The following UBL3 variants were observed in gnomAD, a reference collection of about 807,000 sequenced individuals.
UBL3 encodes the protein ubiquitin like 3, also known as ubiquitin-like protein 3.
A neutral mutation model predicts 18.4 loss-of-function variants in UBL3; 6 were observed. That is an observed-to-expected ratio of 0.33 (90% CI 0.18 to 0.64). The LOEUF is 0.64. UBL3 is among the 30% of genes least tolerant of loss of function. The pLI is 0.76. For missense variants in UBL3, 109 were observed against 142.9 expected (o/e 0.76, Z 1.21); for synonymous variants, 49 against 46.6 (o/e 1.05, Z -0.21).
At chr13:29,837,943 A>AATAATAATAATAATAATC (rs1169003246) in intron 1 of UBL3, among the ~76,000 whole-genome samples, 2 of 149,832 alleles carry the variant, frequency 1.3e-5, no homozygotes, top group Admixed American at 1.3e-4. Context: ...TAATAATAAT[A>AATAATAATAATAATAATC]ATTTTAGCTA....
intron 1 of UBL3, among the ~76,000 whole-genome samples, chr13:29,834,490 C>A (rs1009198172): frequency 6.6e-6 from 1 of 152,104 alleles, no homozygotes; most frequent in Non-Finnish European, 1.5e-5. Context: ...AGCAAATCCA[C>A]CACTTAAAGT....
At chr13:29,772,303 G>T in intron 2 of UBL3, 105 bp from the exon 3 acceptor site, 1 of 804,530 alleles carries the variant, frequency 1.2e-6, no homozygotes, top group Non-Finnish European at 1.9e-6. Flanking sequence ...GTACAAAGAA[G>T]GCCCTTGGAG....
At chr13:29,800,916 C>G (rs553871162) in intron 1 of UBL3, among the ~76,000 whole-genome samples, 19 of 152,296 alleles carry the variant, frequency 1.2e-4, no homozygotes, top group African/African-American at 4.1e-4. Context: ...GGGACCCCCC[C>G]ACGGTGCAGC....
chr13:29,810,147 T>C (rs1878008743), intron 1 of UBL3, among the ~76,000 whole-genome samples: 1 of 152,158 alleles, frequency 6.6e-6, no homozygotes, highest in African/African-American at 2.4e-5. Context: ...TTATTCCACA[T>C]ACCTGATTGA....
At chr13:29,831,858 A>G (rs1425432122) in intron 1 of UBL3, among the ~76,000 whole-genome samples, 1 of 152,220 alleles carries the variant, frequency 6.6e-6, no homozygotes, top group Non-Finnish European at 1.5e-5. Context: ...TTTTTAGTCC[A>G]CTGAAAGTAT....
chr13:29,804,660 ACT>A (rs1877856362), intron 1 of UBL3, among the ~76,000 whole-genome samples: 1 of 152,190 alleles, frequency 6.6e-6, no homozygotes. Context: ...CTGGGAGACT[ACT>A]ATTAATACTT....
intron 3 of UBL3, 54 bp downstream of exon 3, chr13:29,772,058 G>T: frequency 7.0e-7 from 1 of 1,434,214 alleles, no homozygotes; most frequent in Non-Finnish European, 9.6e-7. Context: ...TAAAACAAGC[G>T]AATCATGCTA....
At chr13:29,820,993 G>A (rs1593668693) in intron 1 of UBL3, among the ~76,000 whole-genome samples, 1 of 152,254 alleles carries the variant, frequency 6.6e-6, no homozygotes, top group East Asian at 1.9e-4. Context: ...CCAGAAAACT[G>A]CTTTAAAATC....
At chr13:29,794,180 A>G (rs1877550215) in intron 1 of UBL3, among the ~76,000 whole-genome samples, 1 of 152,158 alleles carries the variant, frequency 6.6e-6, no homozygotes, top group South Asian at 2.1e-4. Flanking sequence ...AATAGTCAAG[A>G]TGTTAATGTT....
intron 1 of UBL3, among the ~76,000 whole-genome samples, chr13:29,835,167 T>TATATATAA (rs1878926225): frequency 1.8e-5 from 1 of 56,384 alleles, no homozygotes; most frequent in Non-Finnish European, 3.1e-5. Flanking sequence ...TATATATATA[T>TATATATAA]ATATATATAT....
At chr13:29,804,914 T>C (rs1264649367) in intron 1 of UBL3, among the ~76,000 whole-genome samples, 3 of 152,232 alleles carry the variant, frequency 2.0e-5, no homozygotes, top group Non-Finnish European at 2.9e-5. Flanking sequence ...CATTCGATCA[T>C]TCCTACCTTC....
intron 2 of UBL3, among the ~76,000 whole-genome samples, chr13:29,775,638 CA>C (rs1471985595): frequency 6.6e-6 from 1 of 151,734 alleles, no homozygotes; most frequent in Admixed American, 6.6e-5. Context: ...TTTTTTGAGA[CA>C]GAGTCTTGCT....
At chr13:29,839,146 C>CA (rs1370331801) in intron 1 of UBL3, among the ~76,000 whole-genome samples, 1 of 151,900 alleles carries the variant, frequency 6.6e-6, no homozygotes, top group Non-Finnish European at 1.5e-5. Flanking sequence ...TTAAAAAAGA[C>CA]AAAAAAAGTC....
intron 1 of UBL3, among the ~76,000 whole-genome samples, chr13:29,832,486 C>T (rs966379971): frequency 6.6e-6 from 1 of 152,152 alleles, no homozygotes. Context: ...GACCCCACCA[C>T]CGCGCCCGGC....
At chr13:29,784,578 A>T (rs984095134) in intron 1 of UBL3, among the ~76,000 whole-genome samples, 11 of 151,024 alleles carry the variant, frequency 7.3e-5, no homozygotes, top group African/African-American at 2.4e-4. Context: ...AAAAAAAAAA[A>T]ACAACTCCCG....
At chr13:29,818,195 C>G (rs1878333054) in intron 1 of UBL3, among the ~76,000 whole-genome samples, 1 of 152,160 alleles carries the variant, frequency 6.6e-6, no homozygotes, top group South Asian at 2.1e-4. Context: ...AGAAAACAGT[C>G]ATACTCTAAC....
At chr13:29,819,808 T>C (rs554192931) in intron 1 of UBL3, among the ~76,000 whole-genome samples, 1 of 151,792 alleles carries the variant, frequency 6.6e-6, no homozygotes, top group Non-Finnish European at 1.5e-5. Context: ...GAATTAATGA[T>C]AAAGATTCAT....
chr13:29,770,716 A>G (rs999658936), intron 3 of UBL3, among the ~76,000 whole-genome samples: 1 of 152,040 alleles, frequency 6.6e-6, no homozygotes, highest in Non-Finnish European at 1.5e-5. Context: ...TAAAAAGACT[A>G]GAACATGGTC....
At chr13:29,772,004 T>G in intron 3 of UBL3, 108 bp downstream of exon 3, 4 of 968,826 alleles carry the variant, frequency 4.1e-6, no homozygotes, top group East Asian at 2.6e-5. Flanking sequence ...AATTCATAGT[T>G]TGAATTTATC....
Sources: gnomAD v4.1 joint callset for allele counts (sites outside exome capture counted in the v4.1 genomes callset) on GRCh38, gnomAD v4.1.1 for gene constraint, MANE v1.5 for transcripts, NCBI Gene and HGNC (gene_info 2026-07-23, HGNC 2026-07-21) for gene names.